C2orf49: variants seen among roughly 807,000 people sequenced by gnomAD.
The protein encoded by C2orf49 is tRNA splicing ligase complex subunit 2.
In C2orf49, 11 loss-of-function variants were observed where a neutral mutation model predicts 20.6. The ratio of observed to expected loss-of-function variants is 0.53; its 90% CI spans 0.34 to 0.88. The LOEUF is 0.88. C2orf49 is among the 40% of genes least tolerant of loss of function. The probability of loss-of-function intolerance (pLI) is 0.02; values close to 1 mark genes in which losing one functional copy is unlikely to be tolerated. For synonymous variants in C2orf49, 134 were observed against 108.5 expected, an observed-to-expected ratio of 1.24 and a Z score of -1.46; for missense variants, 289 against 274.2, an observed-to-expected ratio of 1.05 and a Z score of -0.38.
the C2orf49 span, chr2:105,361,163 A>T: frequency 1.0e-6 from 1 of 993,398 alleles, no homozygotes; most frequent in South Asian, 1.6e-5. Context: ...ATCACTGAAA[A>T]GCACTAGAAG....
At position 105,345,803 on chromosome 2, in the gene C2orf49, A is replaced by G; in HGVS notation, c.*432A>G. 6.3e-6 allele frequency: 1 copy of G among 159,492 alleles called. No individual in the cohort carries two copies. 9.9% of individuals were successfully genotyped at this position (159,492 alleles called of 1,614,324 possible). A position where few individuals can be genotyped will look rare whatever the true frequency, so the allele number is the denominator to read the frequency against. Reference sequence around the variant, plus strand: ...CATGGAGAAACCCCGTCTCTACTAAAAAATACAAAATTAGCTGGGCATAGT... The same window carrying G: ...CATGGAGAAACCCCGTCTCTACTAAGAAATACAAAATTAGCTGGGCATAGT... On this transcript the variant is annotated 3_prime_UTR_variant, in exon 4 of 4. Transcript: ENST00000258457.
the C2orf49 span, among the ~76,000 whole-genome samples, chr2:105,367,152 C>T: frequency 3.4e-3 from 524 of 152,286 alleles, 1 homozygote; most frequent in African/African-American, 0.011. Context: ...TTCTCACATC[C>T]GTCTCTCTCT....
Position 105,348,370 on chromosome 2 carries a change from G to A in C2orf49, c.*2999G>A, listed in dbSNP as rs1174878171. On this transcript the variant is annotated 3_prime_UTR_variant, in exon 4 of 4. Transcript: ENST00000258457. ...ACTATGAGGCCATAATATATTTGCT[G>A]GTATTAAAATTCTTCAGAATTGGAA... 1 of 151,870 alleles carries A rather than the reference G, an allele frequency of 6.6e-6. No individual in the cohort carries two copies. The highest frequency in any genetic ancestry group is 6.6e-5 in the Admixed American group (1 of 15,254). 9.4% of individuals were successfully genotyped at this position (151,870 alleles called of 1,614,324 possible).
At chr2:105,375,942 A>T in the C2orf49 span, 1 of 152,254 alleles carries the variant, frequency 6.6e-6, no homozygotes, top group South Asian at 2.1e-4. Flanking sequence ...GAAATAGAGG[A>T]CAAACTGCTT....
At chr2:105,384,109 A>G in the C2orf49 span, among the ~76,000 whole-genome samples, 1 of 152,168 alleles carries the variant, frequency 6.6e-6, no homozygotes, top group Non-Finnish European at 1.5e-5. Context: ...TTTTTATTTC[A>G]GCCACTGGTC....
chr2:105,372,996 G>A, the C2orf49 span, among the ~76,000 whole-genome samples: 2 of 152,162 alleles, frequency 1.3e-5, no homozygotes, highest in East Asian at 1.9e-4. Context: ...GAGGGACACA[G>A]TCCCATCAAC....
downstream of C2orf49, among the ~76,000 whole-genome samples, chr2:105,351,318 C>G (rs1441161830): frequency 2.5e-5 from 3 of 118,938 alleles, 1 homozygote; most frequent in Admixed American, 8.4e-5. Flanking sequence ...ACCGCGCCCC[C>G]CCCCCCCCAA....
At chr2:105,340,526 G>T (rs1277882436) in intron 2 of C2orf49, among the ~76,000 whole-genome samples, 1 of 152,156 alleles carries the variant, frequency 6.6e-6, no homozygotes, top group African/African-American at 2.4e-5. Flanking sequence ...GAGCCAATAG[G>T]ATTTCCTGAA....
chr2:105,350,158 T>C (rs148070564), downstream of C2orf49, among the ~76,000 whole-genome samples: 44 of 152,268 alleles, frequency 2.9e-4, no homozygotes, highest in Admixed American at 1.1e-3. Flanking sequence ...TCAGTCCAAA[T>C]TGATGACTCT....
chr2:105,355,147 G>A, the C2orf49 span, among the ~76,000 whole-genome samples: 1 of 152,206 alleles, frequency 6.6e-6, no homozygotes, highest in East Asian at 1.9e-4. Flanking sequence ...CCACATATAA[G>A]TGTGAATTAG....
chr2:105,367,829 AG>A, the C2orf49 span: 1 of 1,364,872 alleles, frequency 7.3e-7, no homozygotes, highest in Admixed American at 2.2e-5. Context: ...GCTGCCCTCT[AG>A]TTTTATGACC....
chr2:105,366,828 C>G, the C2orf49 span, among the ~76,000 whole-genome samples: 2 of 152,208 alleles, frequency 1.3e-5, no homozygotes, highest in African/African-American at 4.8e-5. Flanking sequence ...TCACTGCAAC[C>G]TCCACCTCCC....
chr2:105,352,624 T>C (rs1679965379), downstream of C2orf49, among the ~76,000 whole-genome samples: 2 of 151,816 alleles, frequency 1.3e-5, no homozygotes, highest in Admixed American at 1.3e-4. Context: ...TTTTGTACGT[T>C]TAGTAGAGAC....
chr2:105,369,221 G>T, the C2orf49 span, among the ~76,000 whole-genome samples: 2 of 152,192 alleles, frequency 1.3e-5, no homozygotes, highest in Non-Finnish European at 2.9e-5. Flanking sequence ...CAGAGGGACT[G>T]CCCCGCTCCA....
At chr2:105,371,416 C>A in the C2orf49 span, among the ~76,000 whole-genome samples, 4 of 152,018 alleles carry the variant, frequency 2.6e-5, no homozygotes, top group African/African-American at 9.7e-5. Context: ...TCCAGCCTGC[C>A]GCCCTACGGA....
the C2orf49 span, among the ~76,000 whole-genome samples, chr2:105,383,577 C>T: frequency 6.6e-6 from 1 of 150,656 alleles, no homozygotes; most frequent in Non-Finnish European, 1.5e-5. Flanking sequence ...ACATTTAAAA[C>T]TCACACACAT....
At chr2:105,363,415 G>A in the C2orf49 span, 8 of 1,613,288 alleles carry the variant, frequency 5.0e-6, no homozygotes, top group Middle Eastern at 1.6e-4. Context: ...CGGTGCACAC[G>A]AAGCACTCCT....
chr2:105,370,319 G>A, the C2orf49 span, among the ~76,000 whole-genome samples: 1 of 151,946 alleles, frequency 6.6e-6, no homozygotes, highest in Admixed American at 6.6e-5. Flanking sequence ...AGGCTGCAGT[G>A]AGCAGTGATC....
the C2orf49 span, chr2:105,377,819 T>G: frequency 6.0e-6 from 2 of 332,844 alleles, no homozygotes; most frequent in Non-Finnish European, 1.2e-5. Flanking sequence ...CCTGAAGGAG[T>G]AGGCGCCAGG....
Sources: gnomAD v4.1 joint callset for allele counts (sites outside exome capture counted in the v4.1 genomes callset) on GRCh38, gnomAD v4.1.1 for gene constraint, MANE v1.5 for transcripts, NCBI Gene and HGNC (gene_info 2026-07-23, HGNC 2026-07-21) for gene names.